The following ATAD3B variants were observed in gnomAD, a reference collection of about 807,000 sequenced individuals.
The protein encoded by ATAD3B is ATPase family AAA domain containing 3B, also known as ATPase family AAA domain-containing protein 3B.
In ATAD3B, 59 loss-of-function variants were observed where a neutral mutation model predicts 70.2. That is an observed-to-expected ratio of 0.84 (90% CI 0.68 to 1.04). The LOEUF (loss-of-function observed/expected upper bound fraction) is 1.04. ATAD3B is among the 50% of genes least tolerant of loss of function. The pLI is 0.00. For synonymous variants in ATAD3B, 423 were observed against 388.6 expected (o/e 1.09, Z -1.04); for missense variants, 961 against 913.4 (o/e 1.05, Z -0.67).
chr1:1,503,045 A>T, the ATAD3B span, among the ~76,000 whole-genome samples: 13 of 150,972 alleles, frequency 8.6e-5, no homozygotes, highest in Non-Finnish European at 1.2e-4. Flanking sequence ...TAACAGGGTG[A>T]AACCCTGTCT....
rs758415809 is a variant in ATAD3B, at chr1:1,489,322, C to T, written c.1337+48C>T. On this transcript the variant is annotated intron_variant, in intron 13 of 15. Transcript: ENST00000673477. ...GAGCCCCCGGGCAGGGCTGTGCAGC[C>T]GTCGCCCTTGGTTCCCACTGAGGGT... 1.7e-5 allele frequency: 27 copies of T among 1,611,624 alleles called. No individual in the cohort carries two copies. The East Asian group carries it at 4.7e-4, about 28-fold the overall frequency.
intron 1 of ATAD3B, among the ~76,000 whole-genome samples, chr1:1,474,378 G>A (rs1164606960): frequency 6.7e-6 from 1 of 149,536 alleles, no homozygotes; most frequent in Admixed American, 6.7e-5. Flanking sequence ...TTTTTTTAGA[G>A]ACCGGTTTTC....
chr1:1,500,458 A>G (rs1425524424), downstream of ATAD3B, among the ~76,000 whole-genome samples: 1 of 148,912 alleles, frequency 6.7e-6, no homozygotes, highest in African/African-American at 2.5e-5. Context: ...AGGCTGAGGC[A>G]GGAGAATGGC....
At chr1:1,492,303 A>G (rs925082407) in intron 15 of ATAD3B, among the ~76,000 whole-genome samples, 1 of 151,490 alleles carries the variant, frequency 6.6e-6, no homozygotes, top group African/African-American at 2.4e-5. Flanking sequence ...CCTGGCCAAC[A>G]TGATGAACCC....
At chr1:1,499,586 CT>C (rs71578322), downstream of ATAD3B, among the ~76,000 whole-genome samples, 1,550 of 65,830 alleles carry the variant, frequency 0.024, 8 homozygotes, top group African/African-American at 0.057. Context: ...CCAAACAGCT[CT>C]TTTTTTTTTT....
chr1:1,488,163 G>A (rs1471910870), intron 12 of ATAD3B, among the ~76,000 whole-genome samples: 1 of 151,950 alleles, frequency 6.6e-6, no homozygotes, highest in Non-Finnish European at 1.5e-5. Context: ...CACCATGTTG[G>A]TCAAGTTGGT....
intron 11 of ATAD3B, among the ~76,000 whole-genome samples, chr1:1,487,069 A>G (rs1429543129): frequency 6.6e-6 from 1 of 151,982 alleles, no homozygotes; most frequent in Non-Finnish European, 1.5e-5. Context: ...CACTCCCTTC[A>G]ATAGGTCCCA....
chr1:1,482,050 G>A (rs954359151), intron 5 of ATAD3B, 88 bp from the exon 6 acceptor site: 181 of 1,516,232 alleles, frequency 1.2e-4, no homozygotes, highest in African/African-American at 4.1e-4. Flanking sequence ...GGCGTGGGCC[G>A]GTCCGTGGCG....
intron 8 of ATAD3B, among the ~76,000 whole-genome samples, chr1:1,485,440 C>T (rs967978027): frequency 9.2e-5 from 14 of 152,058 alleles, no homozygotes; most frequent in South Asian, 2.1e-4. Context: ...AGACCCGGGA[C>T]TTGGGTGTGC....
At chr1:1,494,495 G>A (rs1324690114) in intron 15 of ATAD3B, among the ~76,000 whole-genome samples, 1 of 151,314 alleles carries the variant, frequency 6.6e-6, no homozygotes, top group Non-Finnish European at 1.5e-5. Flanking sequence ...GTCCGGCTCT[G>A]GTCAGTGTCT....
intron 5 of ATAD3B, 74 bp downstream of exon 5, chr1:1,481,010 T>C: frequency 1.3e-6 from 2 of 1,565,076 alleles, no homozygotes; most frequent in Non-Finnish European, 1.7e-6. Context: ...ACTCTGAGCC[T>C]GAGTTCTGCC....
chr1:1,493,648 G>T (rs555090706), intron 15 of ATAD3B, among the ~76,000 whole-genome samples: 3 of 151,790 alleles, frequency 2.0e-5, no homozygotes, highest in African/African-American at 7.2e-5. Context: ...TCATAAAAGT[G>T]TGTTGAATTT....
intron 3 of ATAD3B, 69 bp from the exon 4 acceptor site, chr1:1,478,980 G>T: frequency 3.8e-6 from 3 of 786,140 alleles, no homozygotes; most frequent in Admixed American, 5.6e-5. Context: ...AGTCCCCGGC[G>T]CTCCGCCCAG....
At chr1:1,505,017 CAA>C in the ATAD3B span, among the ~76,000 whole-genome samples, 4 of 152,042 alleles carry the variant, frequency 2.6e-5, no homozygotes, top group Non-Finnish European at 2.9e-5. Context: ...TGTGCAGAGA[CAA>C]GAGAGTGTAG....
rs748583461 is a variant in ATAD3B at position 1,495,552 on chromosome 1, C to A, written c.1682C>A (p.Ala561Asp). Residue 561 changes from alanine to aspartate, a missense_variant, in exon 16 of 16, where the codon GCT (alanine) becomes GAT (aspartate). This residue lies in a region of ATAD3B where 417 missense variants were observed against 335.0 expected (regional missense o/e 1.24). Coordinates refer to ENST00000673477, the MANE Select transcript of ATAD3B (RefSeq NM_031921.6). ...ATGATGGACGCCTGTGTGCAAGATGCTGTCCAGCAGTACCGACAGAAGATG... is the reference window on the plus strand; with the variant it reads ...ATGATGGACGCCTGTGTGCAAGATGATGTCCAGCAGTACCGACAGAAGATG... ...EAMMDACVQD[A>D]VQQYRQKMRW... 6.2e-7 allele frequency: 1 copy of A among 1,613,008 alleles called. No individual in the cohort carries two copies. The highest frequency in any genetic ancestry group is 8.5e-7 in the Non-Finnish European group (1 of 1,179,388).
Position 1,478,682 on chromosome 1 carries a change from G to C in ATAD3B, c.321G>C (p.Gln107His), listed in dbSNP as rs1437930428. ...CCGTGGAGCAGCTCAAGAGCGAGCA[G>C]ATCCGGGCGCAGGCTGAGGAGAGGA... ...EAAVEQLKSE[Q>H]IRAQAEERRK... The change falls in exon 3 of 16, where the codon CAG becomes CAC. Residue 107 changes from glutamine (Q) to histidine (H), a missense_variant. Around this residue, in one of 4 missense-constraint regions of ATAD3B, gnomAD observed 187 missense variants for 244.3 expected, o/e 0.77. Coordinates refer to ENST00000673477, the MANE Select transcript of ATAD3B (RefSeq NM_031921.6). 2.6e-6 allele frequency: 4 copies of C among 1,543,782 alleles called. No homozygotes were observed. Among genetic ancestry groups the C allele is most frequent in the Non-Finnish European group, 3.5e-6 (4 of 1,144,236 alleles).
chr1:1,498,580 T>C (rs1640869329), downstream of ATAD3B, among the ~76,000 whole-genome samples: 1 of 152,094 alleles, frequency 6.6e-6, no homozygotes, highest in African/African-American at 2.4e-5. Flanking sequence ...TCTCCTCTCC[T>C]ATTTTTTGGT....
At position 1,473,439 on chromosome 1, in the gene ATAD3B, C is replaced by T. The variant is rs574121103; in HGVS notation, c.205+1350C>T. On this transcript the variant is annotated intron_variant, in intron 1 of 15. Transcript: ENST00000673477. ...CAGGGTGGTCTCGATCTCCTGACCT[C>T]GTGGTCCACCCGCCTCGGCCTCCCA... 3.2e-4 allele frequency among the ~76,000 whole-genome samples: 48 copies of T among 151,722 alleles called. No homozygotes were observed. In the South Asian group the frequency reaches 9.2e-3, roughly 29 times the overall value.
the ATAD3B span, chr1:1,509,370 C>T: frequency 6.2e-7 from 1 of 1,606,042 alleles, no homozygotes; most frequent in Non-Finnish European, 8.5e-7. Context: ...GGAGACCACA[C>T]CTCACGGAGC....
Sources: allele counts gnomAD v4.1 joint callset (sites outside exome capture counted in the v4.1 genomes callset), GRCh38; gene constraint gnomAD v4.1.1; regional missense constraint gnomAD v4.1.1; transcripts MANE v1.5; gene names NCBI Gene and HGNC (gene_info 2026-07-23, HGNC 2026-07-21).